Variants in WBP2NL observed in about 807,000 individuals in gnomAD.
The protein encoded by WBP2NL is WBP2 N-terminal like.
A neutral mutation model predicts 23.3 loss-of-function variants in WBP2NL; 27 were observed. The ratio of observed to expected loss-of-function variants is 1.16; its 90% CI spans 0.85 to 1.60. WBP2NL has a LOEUF of 1.60. Ranked by LOEUF, WBP2NL falls within the 40% of genes most tolerant of loss-of-function variation. WBP2NL has a pLI of 0.00. For synonymous variants in WBP2NL, 151 were observed against 145.9 expected (o/e 1.03, Z -0.25); for missense variants, 370 against 389.5 (o/e 0.95, Z 0.42).
intron 1 of WBP2NL, among the ~76,000 whole-genome samples, chr22:42,015,282 C>A (rs1285457699): frequency 6.6e-6 from 1 of 152,176 alleles, no homozygotes; most frequent in African/African-American, 2.4e-5. Context: ...ATGTCTGGAA[C>A]AACAACAACA....
At chr22:42,038,429 T>A (rs1054276457) in intron 8 of WBP2NL, among the ~76,000 whole-genome samples, 3 of 152,256 alleles carry the variant, frequency 2.0e-5, no homozygotes, top group African/African-American at 7.2e-5. Flanking sequence ...TATTGCCTGG[T>A]AATTTTCTTA....
chr22:42,020,207 G>T (rs1602458297), intron 4 of WBP2NL, 111 bp downstream of exon 4: 1 of 1,112,606 alleles, frequency 9.0e-7, no homozygotes, highest in East Asian at 2.5e-5. Flanking sequence ...TTGAGACAGG[G>T]ATTTTTGTAT....
intron 8 of WBP2NL, among the ~76,000 whole-genome samples, chr22:42,048,449 T>A (rs1345622768): frequency 6.7e-6 from 1 of 149,488 alleles, no homozygotes; most frequent in African/African-American, 2.5e-5. Context: ...AAATCTAGCT[T>A]CTCTTCATGA....
chr22:42,054,792 G>A (rs1266792725), intron 8 of WBP2NL, among the ~76,000 whole-genome samples: 1 of 152,030 alleles, frequency 6.6e-6, no homozygotes, highest in Non-Finnish European at 1.5e-5. Context: ...GGGAGGCCAA[G>A]GTGGGAGGTT....
chr22:42,037,120 G>C (rs971596123), downstream of WBP2NL, among the ~76,000 whole-genome samples: 1 of 132,378 alleles, frequency 7.6e-6, no homozygotes, highest in Non-Finnish European at 1.6e-5. Context: ...GATGGGGTCA[G>C]ATTTCATTTG....
chr22:42,017,083 A>T (rs1018061740), intron 1 of WBP2NL, among the ~76,000 whole-genome samples: 1 of 151,966 alleles, frequency 6.6e-6, no homozygotes, highest in Non-Finnish European at 1.5e-5. Flanking sequence ...TCCCATCTGG[A>T]TTGTCCTCTA....
At chr22:42,007,493 G>A (rs563280833) in intron 1 of WBP2NL, among the ~76,000 whole-genome samples, 1 of 152,184 alleles carries the variant, frequency 6.6e-6, no homozygotes, top group South Asian at 2.1e-4. Context: ...ATTCCTCTCA[G>A]TACTCTGAGT....
At chr22:42,032,560 A>G (rs886873163), downstream of WBP2NL, 1 of 255,178 alleles carries the variant, frequency 3.9e-6, no homozygotes, top group Non-Finnish European at 8.4e-6. Flanking sequence ...CTTGAAAATC[A>G]TGTATGTATA....
chr22:42,054,990 G>A (rs2086209772), intron 8 of WBP2NL, among the ~76,000 whole-genome samples: 2 of 152,142 alleles, frequency 1.3e-5, no homozygotes, highest in Non-Finnish European at 2.9e-5. Context: ...TTTTATTACT[G>A]TAGCTTTTTG....
chr22:42,009,986 T>C (rs921771774), intron 1 of WBP2NL, among the ~76,000 whole-genome samples: 2 of 152,214 alleles, frequency 1.3e-5, no homozygotes, highest in Admixed American at 1.3e-4. Context: ...TTTTCACTAA[T>C]GTTTTATAGT....
intron 8 of WBP2NL, among the ~76,000 whole-genome samples, chr22:42,047,655 T>C: frequency 7.1e-6 from 1 of 139,956 alleles, no homozygotes; most frequent in Non-Finnish European, 1.5e-5. Flanking sequence ...AGAGTCTCAC[T>C]CTGTTGCCCA....
chr22:42,039,908 G>GT lies in WBP2NL; in HGVS notation c.*273+9101dup, dbSNP rs80348568. On this transcript the variant is annotated intron_variant and NMD_transcript_variant, in intron 8 of 8. Coordinates refer to the WBP2NL transcript ENST00000436265. ...CTAGTTTCTTGATTTGTACAGTTAG[G>GT]TTTTTTTTTTTTTTTTCCTCGAGAT... is the stretch of plus-strand genomic sequence containing the variant. Among the ~76,000 whole-genome samples, 497 of 135,570 alleles carry GT rather than the reference G, an allele frequency of 3.7e-3. 4 individuals carry two copies. The highest frequency in any genetic ancestry group is 4.2e-3 in the South Asian group (18 of 4,278). 88.9% of individuals were successfully genotyped at this position (135,570 alleles called of 152,430 possible). A position where few individuals can be genotyped will look rare whatever the true frequency, so the allele number is the denominator to read the frequency against.
At chr22:41,999,199 G>A (rs753155369) in intron 1 of WBP2NL, among the ~76,000 whole-genome samples, 45 of 152,362 alleles carry the variant, frequency 3.0e-4, no homozygotes, top group Admixed American at 4.6e-4. Flanking sequence ...CCTTCGAAGA[G>A]AGGCCGGAGC....
At chr22:42,053,648 CA>C (rs1925919696) in intron 8 of WBP2NL, among the ~76,000 whole-genome samples, 1 of 151,812 alleles carries the variant, frequency 6.6e-6, no homozygotes, top group Non-Finnish European at 1.5e-5. Flanking sequence ...TTAGTAGAGA[CA>C]GGGTTTTACT....
At chr22:42,004,748 A>AC (rs1403902518) in intron 1 of WBP2NL, among the ~76,000 whole-genome samples, 2 of 151,486 alleles carry the variant, frequency 1.3e-5, no homozygotes, top group African/African-American at 2.4e-5. Context: ...ACATGAGGAA[A>AC]CCCCATCTCT....
chr22:42,001,077 ACTT>A, intron 1 of WBP2NL: 1 of 954,158 alleles, frequency 1.0e-6, no homozygotes. Context: ...ACTTACATGT[ACTT>A]CTTGGTTTCA....
At chr22:42,055,306 C>A (rs1222302872) in intron 8 of WBP2NL, among the ~76,000 whole-genome samples, 1 of 152,182 alleles carries the variant, frequency 6.6e-6, no homozygotes, top group Non-Finnish European at 1.5e-5. Flanking sequence ...TCCAGAGTAG[C>A]TGGGATTACA....
intron 8 of WBP2NL, among the ~76,000 whole-genome samples, chr22:42,047,843 G>A (rs1925658770): frequency 6.6e-6 from 1 of 151,326 alleles, no homozygotes; most frequent in African/African-American, 2.4e-5. Flanking sequence ...GGATGGTCTT[G>A]ATCTCCTGAC....
At chr22:42,028,527 T>G (rs931749014), downstream of WBP2NL, 4 of 152,884 alleles carry the variant, frequency 2.6e-5, no homozygotes, top group African/African-American at 9.6e-5. Context: ...CTAGAAGACA[T>G]ACTGAAGTAA....
Sources: allele counts gnomAD v4.1 joint callset (sites outside exome capture counted in the v4.1 genomes callset), GRCh38; gene constraint gnomAD v4.1.1; transcripts MANE v1.5; gene names NCBI Gene and HGNC (gene_info 2026-07-23, HGNC 2026-07-21).